Variants in ROR1 observed in about 807,000 individuals in gnomAD.
The protein encoded by ROR1 is ROR family WNT receptor 1.
In ROR1, 19 loss-of-function variants were observed where a neutral mutation model predicts 78.8. The ratio of observed to expected loss-of-function variants is 0.24; its 90% CI spans 0.17 to 0.35. The LOEUF (loss-of-function observed/expected upper bound fraction) is 0.35. ROR1 is among the 10% of genes least tolerant of loss of function. The pLI is 1.00. For synonymous variants in ROR1, 386 were observed against 433.6 expected, an observed-to-expected ratio of 0.89 and a Z score of 1.36; for missense variants, 917 against 1,177.8, an observed-to-expected ratio of 0.78 and a Z score of 3.24.
intron 1 of ROR1, among the ~76,000 whole-genome samples, chr1:63,931,642 C>G (rs1645753553): frequency 6.6e-6 from 1 of 152,194 alleles, no homozygotes; most frequent in African/African-American, 2.4e-5. Context: ...CTGCATCCTT[C>G]CTTTGTCCTG....
At chr1:63,897,052 G>A (rs889088992) in intron 1 of ROR1, among the ~76,000 whole-genome samples, 7 of 152,128 alleles carry the variant, frequency 4.6e-5, no homozygotes, top group African/African-American at 1.2e-4. Context: ...AGTATTTTCT[G>A]TAAAATTTTC....
intron 1 of ROR1, among the ~76,000 whole-genome samples, chr1:63,928,118 G>A (rs1210228897): frequency 3.3e-5 from 5 of 152,104 alleles, no homozygotes; most frequent in Non-Finnish European, 7.4e-5. Context: ...ACAGGGAGTC[G>A]GGGAAATGCT....
chr1:63,947,292 T>C (rs1004292906), intron 1 of ROR1, among the ~76,000 whole-genome samples: 4 of 152,202 alleles, frequency 2.6e-5, no homozygotes, highest in African/African-American at 9.6e-5. Flanking sequence ...TTGGGGCTTA[T>C]GCATTACCAT....
intron 1 of ROR1, among the ~76,000 whole-genome samples, chr1:63,875,250 C>T (rs1645277821): frequency 6.6e-6 from 1 of 152,156 alleles, no homozygotes; most frequent in South Asian, 2.1e-4. Flanking sequence ...GTGCCTACAA[C>T]AATGCCTGGA....
chr1:63,879,563 C>G (rs560979334), intron 1 of ROR1, among the ~76,000 whole-genome samples: 1 of 152,236 alleles, frequency 6.6e-6, no homozygotes, highest in Admixed American at 6.5e-5. Flanking sequence ...GTTCTCTAGT[C>G]AGATAGGTTT....
chr1:63,786,304 G>A (rs1021053253), intron 1 of ROR1, among the ~76,000 whole-genome samples: 2 of 112,264 alleles, frequency 1.8e-5, no homozygotes, highest in Non-Finnish European at 3.3e-5. Context: ...ACAGAGTCTC[G>A]CTCTGTCGCC....
chr1:63,932,817 C>T (rs1020867226), intron 1 of ROR1, among the ~76,000 whole-genome samples: 3 of 152,132 alleles, frequency 2.0e-5, no homozygotes, highest in Non-Finnish European at 4.4e-5. Context: ...TGGGTATTCT[C>T]CCAGCTTGCT....
intron 4 of ROR1, among the ~76,000 whole-genome samples, chr1:64,083,410 A>AAG (rs1261623124): frequency 6.6e-6 from 1 of 152,120 alleles, no homozygotes; most frequent in Admixed American, 6.5e-5. Flanking sequence ...AGGAATGAAA[A>AAG]AGAAACATAG....
At chr1:64,070,638 T>A (rs1456026355) in intron 4 of ROR1, among the ~76,000 whole-genome samples, 1 of 152,114 alleles carries the variant, frequency 6.6e-6, no homozygotes, top group East Asian at 1.9e-4. Flanking sequence ...AGTTTTTTCA[T>A]CTGCAAAATG....
chr1:64,115,736 A>G (rs1648295196), intron 4 of ROR1, among the ~76,000 whole-genome samples: 1 of 152,110 alleles, frequency 6.6e-6, no homozygotes, highest in South Asian at 2.1e-4. Context: ...GTTGAGCGGC[A>G]TTGTAAACAG....
intron 4 of ROR1, among the ~76,000 whole-genome samples, chr1:64,126,494 T>C (rs2100693778): frequency 6.6e-6 from 1 of 152,254 alleles, no homozygotes; most frequent in African/African-American, 2.4e-5. Flanking sequence ...GCAGCCATCT[T>C]GGTGGGATAT....
intron 1 of ROR1, among the ~76,000 whole-genome samples, chr1:63,855,609 C>G (rs2100336876): frequency 6.6e-6 from 1 of 150,864 alleles, no homozygotes; most frequent in East Asian, 1.9e-4. Context: ...GAGTATTTTT[C>G]ATCGCATACA....
At chr1:63,837,025 A>G (rs1557520003) in intron 1 of ROR1, among the ~76,000 whole-genome samples, 1 of 151,022 alleles carries the variant, frequency 6.6e-6, no homozygotes, top group Admixed American at 6.6e-5. Flanking sequence ...AACTTGGCCA[A>G]AGCAGCAGGG....
chr1:63,843,697 G>T, intron 1 of ROR1: 1 of 516,032 alleles, frequency 1.9e-6, no homozygotes, highest in Non-Finnish European at 3.8e-6. Context: ...GTTTCCAGAA[G>T]TGAAAAGGAG....
intron 1 of ROR1, among the ~76,000 whole-genome samples, chr1:63,996,928 G>A (rs1646341652): frequency 6.6e-6 from 1 of 152,144 alleles, no homozygotes. Flanking sequence ...GTTTCTTCAA[G>A]TCCAACCAGG....
chr1:64,070,083 G>A (rs1020709148), intron 4 of ROR1, among the ~76,000 whole-genome samples: 8 of 152,070 alleles, frequency 5.3e-5, no homozygotes, highest in African/African-American at 1.4e-4. Flanking sequence ...ATTTCATATA[G>A]GCAAATGATC....
At chr1:63,996,027 T>C (rs898194376) in intron 1 of ROR1, among the ~76,000 whole-genome samples, 1 of 152,150 alleles carries the variant, frequency 6.6e-6, no homozygotes, top group Non-Finnish European at 1.5e-5. Context: ...TGTGATAATA[T>C]AGGGAGCATG....
intron 1 of ROR1, among the ~76,000 whole-genome samples, chr1:63,810,378 C>T (rs1023557798): frequency 4.2e-4 from 64 of 152,136 alleles, no homozygotes; most frequent in Non-Finnish European, 2.1e-4. Context: ...AATTACATAG[C>T]GGTAGAAGGC....
At chr1:63,881,847 G>T (rs989971272) in intron 1 of ROR1, among the ~76,000 whole-genome samples, 1 of 152,158 alleles carries the variant, frequency 6.6e-6, no homozygotes, top group African/African-American at 2.4e-5. Flanking sequence ...GCTGCCTGGA[G>T]GATTGTGTTG....
Sources: gnomAD v4.1 joint callset for allele counts (sites outside exome capture counted in the v4.1 genomes callset) on GRCh38, gnomAD v4.1.1 for gene constraint, MANE v1.5 for transcripts, NCBI Gene and HGNC (gene_info 2026-07-23, HGNC 2026-07-21) for gene names.